Variants in PARD3B observed in about 807,000 individuals in gnomAD.
PARD3B encodes partitioning defective 3 homolog B.
Under a neutral mutation model 130.2 loss-of-function variants are expected in PARD3B, and 103 were observed. The ratio of observed to expected loss-of-function variants is 0.79; its 90% confidence interval spans 0.67 to 0.93. The LOEUF is 0.93. Among genes scored for constraint, PARD3B ranks in the 40% least tolerant of loss-of-function variants. PARD3B has a pLI of 0.00. For synonymous variants in PARD3B, 583 were observed against 553.2 expected, an observed-to-expected ratio of 1.05 and a Z score of -0.76; for missense variants, 1,609 against 1,499.2, an observed-to-expected ratio of 1.07 and a Z score of -1.21.
Position 205,421,958 on chromosome 2 carries a change from G to A in PARD3B, c.2742-18412G>A, listed in dbSNP as rs2046986491. Among the ~76,000 whole-genome samples the A allele has an allele frequency of 6.6e-6, 1 of 152,266 alleles. No individual in the cohort carries two copies. The highest frequency in any genetic ancestry group is 2.1e-4 in the South Asian group (1 of 4,818). ...TCACATTATTGAGTGCCTACTGTCT[G>A]CCAGGCACTGTGCTAGATATTGGAG... On this transcript the variant is annotated intron_variant, in intron 19 of 22. Transcript: ENST00000406610. This position sits in a 1 kb window ranked among gnomAD's most constrained non-coding sequence, Gnocchi z 5.1.
chr2:204,755,522 T>C (rs1247051345), intron 2 of PARD3B, among the ~76,000 whole-genome samples: 7 of 152,116 alleles, frequency 4.6e-5, no homozygotes, highest in African/African-American at 1.7e-4. Flanking sequence ...ACCTCTTTGT[T>C]AAATGACATT....
chr2:205,517,619 T>C (rs2106387258), intron 21 of PARD3B, among the ~76,000 whole-genome samples: 1 of 152,326 alleles, frequency 6.6e-6, no homozygotes, highest in Admixed American at 6.5e-5. Flanking sequence ...TATCTTCTGC[T>C]AGCTTTGGGG....
intron 10 of PARD3B, among the ~76,000 whole-genome samples, chr2:205,153,893 A>T (rs2033932216): frequency 6.6e-6 from 1 of 152,242 alleles, no homozygotes; most frequent in Non-Finnish European, 1.5e-5. Context: ...ACAAAAATTA[A>T]TTCAAGATGG....
chr2:205,083,077 G>C (rs996744401), intron 4 of PARD3B, among the ~76,000 whole-genome samples: 5 of 151,862 alleles, frequency 3.3e-5, no homozygotes, highest in African/African-American at 1.2e-4. Flanking sequence ...ACACTACCAT[G>C]CCTGGCTAAT....
rs1358838934 is a variant in PARD3B, at chr2:205,176,543, A to T, written c.1890A>T (p.Pro630=). The change falls in exon 13 of 23, where the codon CCA becomes CCT. Residue 630 remains proline, a synonymous_variant. Coordinates refer to ENST00000406610, the MANE Select transcript of PARD3B (RefSeq NM_001302769.2). The surrounding 1 kb of genome is among the most constrained non-coding windows in gnomAD (Gnocchi z 5.3). ...SRRNDNSILH[P]LGTCSPQDKQ... ...GAAATGATAATAGTATCCTGCATCC[A>T]CTTGGCACTTGCAGTCCACAAGACA... 1.2e-6 allele frequency: 2 copies of T among 1,612,006 alleles called. No individual in the cohort carries two copies. Among genetic ancestry groups the T allele is most frequent in the Non-Finnish European group, 1.7e-6 (2 of 1,178,802 alleles).
intron 18 of PARD3B, among the ~76,000 whole-genome samples, chr2:205,391,431 A>G (rs1429456642): frequency 6.6e-6 from 1 of 152,254 alleles, no homozygotes; most frequent in Admixed American, 6.5e-5. Flanking sequence ...AATCATGAAA[A>G]GGAAGAAGAC....
intron 20 of PARD3B, among the ~76,000 whole-genome samples, chr2:205,456,440 C>A (rs931366585): frequency 6.6e-6 from 1 of 151,998 alleles, no homozygotes; most frequent in Non-Finnish European, 1.5e-5. Flanking sequence ...CTATGTTGAG[C>A]CACAGTGGTA....
chr2:205,485,618 G>T (rs1396529958), intron 20 of PARD3B, among the ~76,000 whole-genome samples: 1 of 152,134 alleles, frequency 6.6e-6, no homozygotes, highest in Non-Finnish European at 1.5e-5. Flanking sequence ...GAGGATGGTG[G>T]TGCTGGCCCT....
chr2:205,324,847 T>G (rs963452810), intron 18 of PARD3B, among the ~76,000 whole-genome samples: 9 of 152,122 alleles, frequency 5.9e-5, no homozygotes, highest in African/African-American at 2.2e-4. Flanking sequence ...CTAAACGGTT[T>G]TCCCAGATGG....
chr2:205,231,027 G>C (rs1333363481), intron 15 of PARD3B, among the ~76,000 whole-genome samples: 3 of 152,126 alleles, frequency 2.0e-5, no homozygotes, highest in Non-Finnish European at 4.4e-5. Context: ...CGTGGGAGTG[G>C]TGGTGTCAGC....
intron 20 of PARD3B, among the ~76,000 whole-genome samples, chr2:205,441,819 A>G (rs1213251094): frequency 6.6e-6 from 1 of 152,188 alleles, no homozygotes; most frequent in African/African-American, 2.4e-5. Flanking sequence ...GGAAGGAGCA[A>G]TTTTTAATCC....
chr2:205,463,946 G>C lies in PARD3B; in HGVS notation c.3044+23274G>C, dbSNP rs747894106. Among the ~76,000 whole-genome samples the C allele has an allele frequency of 2.6e-5, 4 of 152,128 alleles. No homozygotes were observed. The highest frequency in any genetic ancestry group is 5.9e-5 in the Non-Finnish European group (4 of 68,024). ...GATCTTCACTAAAACCTTCATCCCA[G>C]GTAACCAGGCAGATTTTATTTCCTA... is the stretch of plus-strand genomic sequence containing the variant. On this transcript the variant is annotated intron_variant, in intron 20 of 22. Coordinates refer to ENST00000406610, the MANE Select transcript of PARD3B (RefSeq NM_001302769.2). The surrounding 1 kb of genome is among the most constrained non-coding windows in gnomAD (Gnocchi z 4.8).
At chr2:205,312,401 A>G (rs1206910281) in intron 18 of PARD3B, among the ~76,000 whole-genome samples, 4 of 152,324 alleles carry the variant, frequency 2.6e-5, no homozygotes, top group Admixed American at 6.5e-5. Flanking sequence ...TCTTAATTCA[A>G]CTTCAAGCTA....
chr2:205,098,331 A>G (rs1702529318), intron 4 of PARD3B, among the ~76,000 whole-genome samples: 2 of 152,192 alleles, frequency 1.3e-5, no homozygotes, highest in African/African-American at 4.8e-5. Context: ...TTTATGGGCA[A>G]GTGGTTTCCA....
Position 205,054,436 on chromosome 2 carries a change from ATTTTT to A in PARD3B, c.504+6763_504+6767del, listed in dbSNP as rs769918623. Among the ~76,000 whole-genome samples, 165 of 28,400 alleles carry A rather than the reference ATTTTT, an allele frequency of 5.8e-3. 1 individual carries two copies. The highest frequency in any genetic ancestry group is 0.011 in the African/African-American group (75 of 6,662). The allele number at this position is 28,400 out of a possible 152,430, so 18.6% of individuals were successfully genotyped here. On this transcript the variant is annotated intron_variant, in intron 4 of 22. Coordinates refer to ENST00000406610, the MANE Select transcript of PARD3B (RefSeq NM_001302769.2). ...TATATATATATATATATATATATAT[ATTTTT>A]TTTTTTTTTTTTTTTTAATTATACT...
At chr2:205,500,688 A>G (rs1166199141) in intron 21 of PARD3B, among the ~76,000 whole-genome samples, 4 of 152,206 alleles carry the variant, frequency 2.6e-5, no homozygotes, top group Non-Finnish European at 5.9e-5. Context: ...AGCATCTACA[A>G]AAATGCCCAG....
At chr2:204,588,714 C>T (rs1378436795) in intron 1 of PARD3B, among the ~76,000 whole-genome samples, 2 of 152,148 alleles carry the variant, frequency 1.3e-5, no homozygotes, top group African/African-American at 4.8e-5. Flanking sequence ...TTCAAATTTT[C>T]AGAAAAATGT....
chr2:205,052,438 T>C (rs868603917), intron 4 of PARD3B, among the ~76,000 whole-genome samples: 48 of 55,378 alleles, frequency 8.7e-4, no homozygotes, highest in Middle Eastern at 8.8e-3. Context: ...TATATATATA[T>C]ATATATATAT....
chr2:205,110,504 C>T (rs1303749197), intron 5 of PARD3B, among the ~76,000 whole-genome samples: 3 of 152,022 alleles, frequency 2.0e-5, no homozygotes, highest in South Asian at 2.1e-4. Context: ...TAACTATCTG[C>T]TTGTTTTAGT....
Sources: allele counts gnomAD v4.1 joint callset (sites outside exome capture counted in the v4.1 genomes callset), GRCh38; gene constraint gnomAD v4.1.1; non-coding constraint Gnocchi (gnomAD v3.1); transcripts MANE v1.5; gene names NCBI Gene and HGNC (gene_info 2026-07-23, HGNC 2026-07-21).